Variants in AGL observed in about 807,000 individuals in gnomAD.
The protein encoded by AGL is amylo-alpha-1,6-glucosidase and 4-alpha-glucanotransferase.
Under a neutral mutation model 199.3 loss-of-function variants are expected in AGL, and 128 were observed. That is an observed-to-expected ratio of 0.64 (90% CI 0.56 to 0.74). The LOEUF (loss-of-function observed/expected upper bound fraction) is 0.74, where lower values mean the gene tolerates loss of function less well. Ranked by LOEUF, AGL falls within the 30% of genes least tolerant of loss-of-function variation. The pLI is 0.00. For synonymous variants in AGL, 584 were observed against 594.7 expected (o/e 0.98, Z 0.26); for missense variants, 1,809 against 1,820.8 (o/e 0.99, Z 0.12).
In AGL at chr1:99,862,282, A is replaced by G. The variant is rs1650110748; in HGVS notation, c.319A>G (p.Ile107Val). 1.9e-6 allele frequency: 3 copies of G among 1,614,002 alleles called. No individual in the cohort carries two copies. The highest frequency in any genetic ancestry group is 1.7e-6 in the Non-Finnish European group (2 of 1,179,998). The change falls in exon 4 of 34, where the codon ATA (isoleucine) becomes GTA (valine). Residue 107 changes from isoleucine (I) to valine (V), a missense_variant. Ile to Val is a conservative substitution (Grantham distance 29). Coordinates refer to ENST00000361915, the MANE Select transcript of AGL (RefSeq NM_000642.3). ...AAATGAGAAAAGTGGTGGAGGTTAC[A>G]TAGTTGTGGACCCCATTTTACGTGT... ...QGNEKSGGGY[I>V]VVDPILRVGA...
rs371655853 is a variant in AGL at position 99,861,540 on chromosome 1, G to A, written c.120G>A (p.Gln40=). 1 of 1,613,958 alleles carries A rather than the reference G, an allele frequency of 6.2e-7. No individual in the cohort carries two copies. Among genetic ancestry groups the A allele is most frequent in the Non-Finnish European group, 8.5e-7 (1 of 1,179,952 alleles). The change falls in exon 3 of 34, where the codon CAG becomes CAA. Residue 40 remains glutamine, a synonymous_variant. Coordinates refer to ENST00000361915, the MANE Select transcript of AGL (RefSeq NM_000642.3). The stretch of plus-strand genomic sequence containing the variant: ...AGTTCCGATTAGGCCCAACTTTACA[G>A]GGAAAAGCAGTTACCGTGTATACAA... ...ELQFRLGPTL[Q]GKAVTVYTNY...
chr1:99,876,683 C>A, intron 11 of AGL, 86 bp downstream of exon 11: 3 of 1,447,086 alleles, frequency 2.1e-6, no homozygotes, highest in Non-Finnish European at 2.9e-6. Flanking sequence ...GATTTTCTTC[C>A]CCATTAGTCT....
intron 2 of AGL, among the ~76,000 whole-genome samples, chr1:99,858,286 G>C (rs889940811): frequency 2.0e-5 from 3 of 152,184 alleles, no homozygotes; most frequent in Non-Finnish European, 4.4e-5. Context: ...ATGATACTTA[G>C]AAAATATTTT....
At chr1:99,905,687 C>G (rs1316579107) in intron 27 of AGL, among the ~76,000 whole-genome samples, 1 of 151,992 alleles carries the variant, frequency 6.6e-6, no homozygotes, top group Admixed American at 6.6e-5. Flanking sequence ...AGTCCTCCTG[C>G]CTCAGACTGC....
At chr1:99,874,092 G>A (rs1193809788) in intron 7 of AGL, among the ~76,000 whole-genome samples, 1 of 151,960 alleles carries the variant, frequency 6.6e-6, no homozygotes, top group Non-Finnish European at 1.5e-5. Context: ...GGGAAAAAAA[G>A]TATTAAACCT....
chr1:99,877,623 A>C lies in AGL; in HGVS notation c.1424-18A>C. 1.2e-6 allele frequency: 2 copies of C among 1,612,574 alleles called. No individual in the cohort carries two copies. Among genetic ancestry groups the C allele is most frequent in the South Asian group, 1.1e-5 (1 of 91,052 alleles). ...TTTTATTTCTTGAACCATTGAAAGC[A>C]ATCTCTTTTCTGAACAGGTTCAGAA... On this transcript the variant is annotated intron_variant, in intron 11 of 33. Coordinates refer to ENST00000361915, the MANE Select transcript of AGL (RefSeq NM_000642.3).
chr1:99,861,640 G>A lies in AGL; in HGVS notation c.220G>A (p.Glu74Lys), dbSNP rs764257205. 2.9e-5 allele frequency: 47 copies of A among 1,613,420 alleles called. No individual in the cohort carries two copies. Among genetic ancestry groups the A allele is most frequent in the East Asian group, 4.5e-5 (2 of 44,830 alleles). The change falls in exon 3 of 34, where the codon GAA (glutamate) becomes AAA (lysine). Residue 74 changes from glutamate (E) to lysine (K), a missense_variant. Physicochemically the swap from Glu to Lys is moderately conservative, Grantham distance 56. Coordinates refer to ENST00000361915, the MANE Select transcript of AGL (RefSeq NM_000642.3). ...GGATTGGGAAAATCCAACAGAAAGA[G>A]AAGATGATTCTGATAAATACTGTAA... ...SLDWENPTER[E>K]DDSDKYCKLN... is the part of the protein sequence containing the mutation.
intron 21 of AGL, among the ~76,000 whole-genome samples, chr1:99,889,504 G>T (rs1570460309): frequency 6.6e-6 from 1 of 152,308 alleles, no homozygotes; most frequent in Non-Finnish European, 1.5e-5. Flanking sequence ...TTGAGCCCAA[G>T]AGAGGTTTGA....
chr1:99,861,573 A>G lies in AGL; in HGVS notation c.153A>G (p.Pro51=), dbSNP rs1263017347. ...GKAVTVYTNY[P]FPGETFNREK... ...CAGTTACCGTGTATACAAATTACCCATTTCCTGGAGAAACATTTAATAGAG... is the reference window on the plus strand; with the variant it reads ...CAGTTACCGTGTATACAAATTACCCGTTTCCTGGAGAAACATTTAATAGAG... Residue 51 remains proline, a synonymous_variant, in exon 3 of 34, where the codon CCA becomes CCG. Transcript: ENST00000361915. 4 of 1,613,912 alleles carry G rather than the reference A, an allele frequency of 2.5e-6. No individual in the cohort carries two copies. Among genetic ancestry groups the G allele is most frequent in the South Asian group, 1.1e-5 (1 of 91,088 alleles).
chr1:99,873,473 C>T (rs1329724925), intron 7 of AGL, among the ~76,000 whole-genome samples: 4 of 139,272 alleles, frequency 2.9e-5, no homozygotes, highest in Non-Finnish European at 3.0e-5. Flanking sequence ...TCACTCTTGT[C>T]GCCTAGGCTA....
chr1:99,858,601 AT>A (rs1432296197), intron 2 of AGL, among the ~76,000 whole-genome samples: 1 of 152,252 alleles, frequency 6.6e-6, no homozygotes, highest in Non-Finnish European at 1.5e-5. Context: ...TAGTGAAAGC[AT>A]TTTGAATATA....
At chr1:99,891,466 C>T (rs1652895430) in intron 22 of AGL, 110 bp downstream of exon 22, 1 of 1,505,492 alleles carries the variant, frequency 6.6e-7, no homozygotes, top group East Asian at 2.4e-5. Context: ...TTTCCTCCTT[C>T]CTTCATCATC....
intron 4 of AGL, 70 bp from the exon 5 acceptor site, chr1:99,864,316 T>C (rs1017168079): frequency 3.5e-5 from 48 of 1,359,420 alleles, no homozygotes; most frequent in Non-Finnish European, 4.9e-5. Flanking sequence ...TTTAAATTTA[T>C]ATTTTCTTCA....
intron 7 of AGL, among the ~76,000 whole-genome samples, chr1:99,873,591 C>T (rs1651215421): frequency 6.6e-6 from 1 of 152,102 alleles, no homozygotes; most frequent in Non-Finnish European, 1.5e-5. Flanking sequence ...TGTGCCACCA[C>T]ACCCAGCTAA....
At chr1:99,888,793 CTT>C (rs1196186458) in intron 21 of AGL, among the ~76,000 whole-genome samples, 2 of 152,174 alleles carry the variant, frequency 1.3e-5, no homozygotes, top group Middle Eastern at 3.4e-3. Flanking sequence ...TTGTTCAACT[CTT>C]TATTTCTTTC....
intron 8 of AGL, 120 bp downstream of exon 8, chr1:99,874,930 G>A (rs1570432951): frequency 1.6e-6 from 2 of 1,279,310 alleles, no homozygotes; most frequent in Non-Finnish European, 2.2e-6. Flanking sequence ...GTAATTCACT[G>A]TAATTCTACT....
At chr1:99,883,781 A>G (rs1203392927) in intron 17 of AGL, among the ~76,000 whole-genome samples, 2 of 152,060 alleles carry the variant, frequency 1.3e-5, no homozygotes, top group African/African-American at 4.8e-5. Flanking sequence ...TTGGGTTTTT[A>G]ATTTTTTTTT....
intron 2 of AGL, among the ~76,000 whole-genome samples, chr1:99,859,354 G>GT (rs3834029): frequency 0.017 from 2,441 of 144,406 alleles, 32 homozygotes; most frequent in Middle Eastern, 0.092. Context: ...TTTTTTCTGT[G>GT]TTTTTTTTTT....
chr1:99,923,904 A>G lies in AGL; in HGVS notation c.*2253A>G, dbSNP rs1655679265. The G allele has an allele frequency of 6.6e-6, 1 of 152,212 alleles. No homozygotes were observed. The highest frequency in any genetic ancestry group is 2.4e-5 in the African/African-American group (1 of 41,456). 9.4% of individuals were successfully genotyped at this position (152,212 alleles called of 1,614,324 possible). A position where few individuals can be genotyped will look rare whatever the true frequency, so the allele number is the denominator to read the frequency against. ...AACATGAGACTGGTCATATTGATGA[A>G]TATTGTAACATGTGAATTGTGATCC... On this transcript the variant is annotated 3_prime_UTR_variant, in exon 34 of 34. Coordinates refer to ENST00000361915, the MANE Select transcript of AGL (RefSeq NM_000642.3).
Sources: allele counts gnomAD v4.1 joint callset (sites outside exome capture counted in the v4.1 genomes callset), GRCh38; gene constraint gnomAD v4.1.1; transcripts MANE v1.5; gene names NCBI Gene and HGNC (gene_info 2026-07-23, HGNC 2026-07-21).